The following RGS22 variants were observed in gnomAD, a reference collection of about 807,000 sequenced individuals.
The protein encoded by RGS22 is regulator of G-protein signaling 22.
A neutral mutation model predicts 172.9 loss-of-function variants in RGS22; 148 were observed. The ratio of observed to expected loss-of-function variants is 0.86; its 90% CI spans 0.75 to 0.98. The LOEUF (loss-of-function observed/expected upper bound fraction) is 0.98, where lower values mean the gene tolerates loss of function less well. Among genes scored for constraint, RGS22 ranks in the 50% least tolerant of loss-of-function variants. The pLI is 0.00. For synonymous variants in RGS22, 458 were observed against 480.2 expected (o/e 0.95, Z 0.60); for missense variants, 1,347 against 1,440.8 (o/e 0.93, Z 1.05).
In RGS22 at chr8:100,063,653, G is replaced by A. The variant is rs1412411147; in HGVS notation, c.1115C>T (p.Thr372Ile). 6.2e-7 allele frequency: 1 copy of A among 1,613,996 alleles called. No homozygotes were observed. Among genetic ancestry groups the A allele is most frequent in the East Asian group, 2.2e-5 (1 of 44,856 alleles). The change falls in exon 8 of 28, where the codon ACT (threonine) becomes ATT (isoleucine). Residue 372 changes from threonine (T) to isoleucine (I), a missense_variant. Physicochemically the swap from Thr to Ile is moderately conservative, Grantham distance 89. Transcript: ENST00000360863. ...TATCTCTTCTGACCTCTCCTTTGTA[G>A]TTTGAACTAATTCACTTAAAAAATT... is the stretch of plus-strand genomic sequence containing the variant. ...GKNFLSELVQ[T>I]TKERSEEIEQ...
chr8:100,068,957 G>GAAAA (rs35014399), intron 6 of RGS22, among the ~76,000 whole-genome samples: 1 of 148,348 alleles, frequency 6.7e-6, no homozygotes. Flanking sequence ...AAAGAAAGAA[G>GAAAA]AAAAAATACT....
At chr8:100,024,917 A>C (rs938847372) in intron 14 of RGS22, among the ~76,000 whole-genome samples, 3 of 152,132 alleles carry the variant, frequency 2.0e-5, no homozygotes, top group Admixed American at 6.5e-5. Flanking sequence ...AGAAACATTA[A>C]CGAAACGTCA....
chr8:100,071,052 G>A (rs899853547), intron 6 of RGS22, among the ~76,000 whole-genome samples: 3 of 152,184 alleles, frequency 2.0e-5, no homozygotes, highest in Non-Finnish European at 4.4e-5. Flanking sequence ...GGAGGCGGAG[G>A]TGAGTGGATT....
intron 16 of RGS22, 126 bp from the exon 17 acceptor site, chr8:100,004,224 T>C (rs139077112): frequency 0.013 from 15,779 of 1,174,176 alleles, 127 homozygotes; most frequent in Non-Finnish European, 0.015. Flanking sequence ...AATGGCAGAG[T>C]GGGTAAAGAC....
At position 100,052,820 on chromosome 8, in the gene RGS22, T is replaced by C. The variant is rs1192994970; in HGVS notation, c.1671A>G (p.Pro557=). The change falls in exon 10 of 28, where the codon CCA becomes CCG. Residue 557 remains proline, a synonymous_variant. Coordinates refer to ENST00000360863, the MANE Select transcript of RGS22 (RefSeq NM_015668.5). Reference sequence around the variant, plus strand: ...ACCCTACCTGGATCTCAGGTATCTGTGGAATGCAAGATTTGGGTCTTAATG... The same window carrying C: ...ACCCTACCTGGATCTCAGGTATCTGCGGAATGCAAGATTTGGGTCTTAATG... ...LLPLRPKSCI[P]QIPEIQKEEF... The C allele has an allele frequency of 3.1e-6, 5 of 1,614,040 alleles. No homozygotes were observed. The Middle Eastern group carries it at 5.0e-4, about 160-fold the overall frequency.
intron 14 of RGS22, among the ~76,000 whole-genome samples, chr8:100,025,784 C>T (rs759194739): frequency 6.6e-6 from 1 of 152,016 alleles, no homozygotes; most frequent in African/African-American, 2.4e-5. Context: ...TGTGATTACA[C>T]CCAAGGTCCT....
intron 2 of RGS22, among the ~76,000 whole-genome samples, chr8:100,098,323 C>T (rs2446911): frequency 0.27 from 41,194 of 152,020 alleles, 6,991 homozygotes; most frequent in East Asian, 0.44. Context: ...AGACTAATAA[C>T]TTTAAAAAGA....
intron 4 of RGS22, among the ~76,000 whole-genome samples, chr8:100,077,701 T>C (rs1474992644): frequency 6.6e-6 from 1 of 152,340 alleles, no homozygotes; most frequent in East Asian, 1.9e-4. Flanking sequence ...TTTACTGTTG[T>C]GGGATAAAGT....
chr8:100,029,432 T>A (rs780684227), intron 14 of RGS22, among the ~76,000 whole-genome samples: 8 of 152,144 alleles, frequency 5.3e-5, no homozygotes, highest in African/African-American at 1.9e-4. Context: ...CCAAGCATGG[T>A]GGCTCATGCC....
chr8:100,023,147 A>G (rs1475830255), intron 14 of RGS22, among the ~76,000 whole-genome samples: 1 of 152,226 alleles, frequency 6.6e-6, no homozygotes, highest in Non-Finnish European at 1.5e-5. Context: ...ATTGCTGTAC[A>G]ATGAAAAATG....
At chr8:100,101,122 A>G (rs1225171230) in intron 2 of RGS22, among the ~76,000 whole-genome samples, 3 of 152,192 alleles carry the variant, frequency 2.0e-5, no homozygotes, top group Admixed American at 6.5e-5. Flanking sequence ...GGCACAAGAA[A>G]AAGATATTAT....
At position 100,039,950 on chromosome 8, in the gene RGS22, A is replaced by T; in HGVS notation, c.2064+12T>A. ...AAATTATAAAATTAAATTTTAAATAATTCTTTTCTACCTTGTTCCCTGAAT... is the reference window on the plus strand; with the variant it reads ...AAATTATAAAATTAAATTTTAAATATTTCTTTTCTACCTTGTTCCCTGAAT... On this transcript the variant is annotated intron_variant, in intron 13 of 27. Transcript: ENST00000360863. 1 of 1,407,344 alleles carries T rather than the reference A, an allele frequency of 7.1e-7. No individual in the cohort carries two copies. Among genetic ancestry groups the T allele is most frequent in the Non-Finnish European group, 9.3e-7 (1 of 1,070,128 alleles). 87.2% of individuals were successfully genotyped at this position (1,407,344 alleles called of 1,614,324 possible).
At chr8:100,056,724 T>C (rs1809648233) in intron 9 of RGS22, among the ~76,000 whole-genome samples, 1 of 152,154 alleles carries the variant, frequency 6.6e-6, no homozygotes, top group Non-Finnish European at 1.5e-5. Context: ...AAACTCTGCC[T>C]AGATTTCAGA....
chr8:99,964,092 C>T (rs1022826281), intron 24 of RGS22, among the ~76,000 whole-genome samples: 11 of 151,908 alleles, frequency 7.2e-5, no homozygotes, highest in Middle Eastern at 3.4e-3. Context: ...TCTTTTTAAC[C>T]GATAAGGTAA....
chr8:100,101,421 G>C (rs955636951), intron 2 of RGS22, among the ~76,000 whole-genome samples: 17 of 150,042 alleles, frequency 1.1e-4, no homozygotes, highest in African/African-American at 4.2e-4. Flanking sequence ...CGAGTTGCTG[G>C]GACTACAGGC....
intron 25 of RGS22, 44 bp from the exon 26 acceptor site, chr8:99,962,811 T>G (rs1483801023): frequency 3.2e-6 from 5 of 1,586,006 alleles, no homozygotes; most frequent in Non-Finnish European, 4.3e-6. Context: ...AAAGTAAATA[T>G]TGGCAAAGTC....
rs771652823 is a variant in RGS22 at position 99,977,949 on chromosome 8, AT to A, written c.3486del (p.Lys1162AsnfsTer5). On this transcript the variant is annotated frameshift_variant, in exon 23 of 28. Coordinates refer to ENST00000360863, the MANE Select transcript of RGS22 (RefSeq NM_015668.5). LOFTEE classifies it high-confidence loss of function. Reference sequence around the variant, plus strand: ...GATTTTTCGTCTTCTAGGACTGCCAATTTTTTTTTCTGCTTATTATATTCTT... The same window carrying A: ...GATTTTTCGTCTTCTAGGACTGCCAATTTTTTTTCTGCTTATTATATTCTT... ...RRQEYNKQKK[K>X]LAVLEDEKSG... The A allele has an allele frequency of 2.5e-5, 38 of 1,548,606 alleles. No individual in the cohort carries two copies. Among genetic ancestry groups the A allele is most frequent in the Admixed American group, 1.8e-4 (8 of 45,474 alleles).
At chr8:100,072,942 G>A (rs1811094494) in intron 4 of RGS22, among the ~76,000 whole-genome samples, 1 of 152,166 alleles carries the variant, frequency 6.6e-6, no homozygotes, top group South Asian at 2.1e-4. Flanking sequence ...GAGGTAGAAA[G>A]GGTCATGATT....
chr8:100,020,683 T>C (rs3133682), intron 14 of RGS22, among the ~76,000 whole-genome samples: 2,923 of 152,300 alleles, frequency 0.019, 89 homozygotes, highest in East Asian at 0.11. Flanking sequence ...TGTGAGTCAG[T>C]TGTTAAACTC....
Sources: allele counts gnomAD v4.1 joint callset (sites outside exome capture counted in the v4.1 genomes callset), GRCh38; gene constraint gnomAD v4.1.1; transcripts MANE v1.5; gene names NCBI Gene and HGNC (gene_info 2026-07-23, HGNC 2026-07-21).